Variants in NXPH2 observed in about 807,000 individuals in gnomAD.
The protein encoded by NXPH2 is neurexophilin-2.
NXPH2 carries 5 observed loss-of-function variants against 19.8 expected under a neutral mutation model. The observed-to-expected ratio is 0.25, with a 90% CI of 0.13 to 0.53. NXPH2 has a LOEUF of 0.53. NXPH2 is among the 20% of genes least tolerant of loss of function. NXPH2 has a pLI of 0.96. For synonymous variants in NXPH2, 154 were observed against 127.4 expected (o/e 1.21, Z -1.41); for missense variants, 289 against 322.8 (o/e 0.90, Z 0.80).
At chr2:138,731,692 CAGACAGGACTGGAGGGTCCAA>C (rs890261923) in intron 1 of NXPH2, among the ~76,000 whole-genome samples, 11 of 152,110 alleles carry the variant, frequency 7.2e-5, no homozygotes, top group African/African-American at 2.2e-4. Flanking sequence ...GGTCAACCTG[CAGACAGGACTGGAGGGTCCAA>C]AGACAGGACT....
intron 1 of NXPH2, among the ~76,000 whole-genome samples, chr2:138,772,028 A>T (rs1682186449): frequency 6.6e-6 from 1 of 152,232 alleles, no homozygotes; most frequent in Non-Finnish European, 1.5e-5. Flanking sequence ...CTGGGCACCT[A>T]CTAGACAGGT....
At chr2:138,717,244 C>T (rs1417009420) in intron 1 of NXPH2, among the ~76,000 whole-genome samples, 1 of 152,112 alleles carries the variant, frequency 6.6e-6, no homozygotes, top group Non-Finnish European at 1.5e-5. Flanking sequence ...TACCCTATGA[C>T]CCTGTAGCAA....
At chr2:138,749,866 T>C (rs752788812) in intron 1 of NXPH2, among the ~76,000 whole-genome samples, 2 of 152,188 alleles carry the variant, frequency 1.3e-5, no homozygotes, top group Admixed American at 1.3e-4. Flanking sequence ...CGTTTCCTAG[T>C]ATCTGTATAA....
intron 1 of NXPH2, among the ~76,000 whole-genome samples, chr2:138,764,659 A>C (rs189674799): frequency 5.8e-4 from 88 of 152,330 alleles, no homozygotes; most frequent in African/African-American, 2.1e-3. Flanking sequence ...CTATCTATCT[A>C]TCTATGATGG....
At chr2:138,740,445 CA>C (rs1391813991) in intron 1 of NXPH2, among the ~76,000 whole-genome samples, 1 of 152,056 alleles carries the variant, frequency 6.6e-6, no homozygotes, top group East Asian at 1.9e-4. Flanking sequence ...AGAAGTTTAC[CA>C]AAATGTGGTG....
intron 1 of NXPH2, among the ~76,000 whole-genome samples, chr2:138,745,024 G>C (rs532891501): frequency 6.6e-6 from 1 of 152,290 alleles, no homozygotes; most frequent in East Asian, 1.9e-4. Flanking sequence ...GGAAACAGCT[G>C]CAGCTGCTGC....
At chr2:138,674,321 T>C (rs1168563002) in intron 1 of NXPH2, among the ~76,000 whole-genome samples, 1 of 151,986 alleles carries the variant, frequency 6.6e-6, no homozygotes, top group African/African-American at 2.4e-5. Context: ...GCCTGACTAG[T>C]TTTTGTGTTT....
intron 1 of NXPH2, among the ~76,000 whole-genome samples, chr2:138,729,488 A>G (rs1681411772): frequency 6.6e-6 from 1 of 152,204 alleles, no homozygotes; most frequent in Non-Finnish European, 1.5e-5. Context: ...AGTCTTGGGT[A>G]TGTCCTTATA....
At chr2:138,700,103 A>G (rs1680896123) in intron 1 of NXPH2, among the ~76,000 whole-genome samples, 1 of 152,186 alleles carries the variant, frequency 6.6e-6, no homozygotes, top group African/African-American at 2.4e-5. Context: ...GGGCACAGAG[A>G]GTTTAAGCAA....
intron 1 of NXPH2, among the ~76,000 whole-genome samples, chr2:138,717,076 G>A (rs530215051): frequency 1.3e-4 from 20 of 152,188 alleles, no homozygotes; most frequent in African/African-American, 4.8e-4. Context: ...AATCAACAGA[G>A]AAATAGTGAA....
chr2:138,743,617 A>G (rs1281872062), intron 1 of NXPH2, among the ~76,000 whole-genome samples: 2 of 152,184 alleles, frequency 1.3e-5, no homozygotes, highest in African/African-American at 2.4e-5. Context: ...ATGATGACAC[A>G]CCTGTGAATA....
rs1362736878 is a variant in NXPH2, at chr2:138,685,267, C to T, written c.52-13602G>A. Reference sequence around the variant, plus strand: ...CCTATGGATTTTGAACTTGTCAATCCCTATAATCATGTGAGCCAATTCCTT... The same window carrying T: ...CCTATGGATTTTGAACTTGTCAATCTCTATAATCATGTGAGCCAATTCCTT... On this transcript the variant is annotated intron_variant, in intron 1 of 1. Transcript: ENST00000272641. 5.9e-5 allele frequency among the ~76,000 whole-genome samples: 9 copies of T among 152,154 alleles called. No homozygotes were observed. The East Asian group carries it at 7.7e-4, about 13-fold the overall frequency.
In NXPH2 at chr2:138,669,483, T is replaced by C. The variant is rs776418519; in HGVS notation, c.*1439A>G. On this transcript the variant is annotated 3_prime_UTR_variant, in exon 2 of 2. Coordinates refer to ENST00000272641, the MANE Select transcript of NXPH2 (RefSeq NM_007226.3). ...ACCGGTAAAAGGAAAGAAATGAAGATAGAGAACAGAGCTCTTGGTTTTTTG... is the reference window on the plus strand; with the variant it reads ...ACCGGTAAAAGGAAAGAAATGAAGACAGAGAACAGAGCTCTTGGTTTTTTG... Among the ~76,000 whole-genome samples, 11 of 150,588 alleles carry C rather than the reference T, an allele frequency of 7.3e-5. No individual in the cohort carries two copies. Among genetic ancestry groups the C allele is most frequent in the Non-Finnish European group, 1.5e-4 (10 of 67,608 alleles).
chr2:138,710,481 G>A (rs998375971), intron 1 of NXPH2, among the ~76,000 whole-genome samples: 2 of 152,034 alleles, frequency 1.3e-5, no homozygotes, highest in Admixed American at 6.5e-5. Flanking sequence ...TAGAGAAACC[G>A]CCAAACTTTT....
intron 1 of NXPH2, among the ~76,000 whole-genome samples, chr2:138,686,466 C>CTT (rs1472870413): frequency 6.6e-6 from 1 of 151,030 alleles, no homozygotes; most frequent in Admixed American, 6.6e-5. Flanking sequence ...TGTGAGATGT[C>CTT]TTTTTTTTTG....
In NXPH2 at chr2:138,759,916, AGAT is replaced by A. The variant is rs1332653041; in HGVS notation, c.51+20272_51+20274del. On this transcript the variant is annotated intron_variant, in intron 1 of 1. Transcript: ENST00000272641. ...GGCTAATTTTTTGTATTTTTAATAG[AGAT>A]GGGATTTCACCATGTTAGCCAGGAT... 2.6e-5 allele frequency among the ~76,000 whole-genome samples: 4 copies of A among 152,018 alleles called. No homozygotes were observed. The East Asian group carries it at 7.8e-4, about 30-fold the overall frequency.
intron 1 of NXPH2, among the ~76,000 whole-genome samples, chr2:138,683,239 T>C (rs1573952579): frequency 6.6e-6 from 1 of 152,204 alleles, no homozygotes; most frequent in Non-Finnish European, 1.5e-5. Flanking sequence ...CAAGTGGCAC[T>C]GTCTACTTTC....
intron 1 of NXPH2, among the ~76,000 whole-genome samples, chr2:138,743,124 T>C (rs1681670374): frequency 2.0e-5 from 3 of 152,238 alleles, no homozygotes; most frequent in African/African-American, 7.2e-5. Flanking sequence ...GGTATGCTAC[T>C]GTCAAAATGG....
Position 138,670,743 on chromosome 2 carries a change from G to T in NXPH2, c.*179C>A. On this transcript the variant is annotated 3_prime_UTR_variant, in exon 2 of 2. Transcript: ENST00000272641. The stretch of plus-strand genomic sequence containing the variant: ...TAGATAAAGGTACCTACGATAGAAA[G>T]AAACAAATTTCACACTTAAAGATGT... 2 of 606,640 alleles carry T rather than the reference G, an allele frequency of 3.3e-6. No homozygotes were observed. Among genetic ancestry groups the T allele is most frequent in the South Asian group, 3.1e-5 (1 of 32,350 alleles). The allele number at this position is 606,640 out of a possible 1,614,324, so 37.6% of individuals were successfully genotyped here.
Sources: allele counts gnomAD v4.1 joint callset (sites outside exome capture counted in the v4.1 genomes callset), GRCh38; gene constraint gnomAD v4.1.1; transcripts MANE v1.5; gene names NCBI Gene and HGNC (gene_info 2026-07-23, HGNC 2026-07-21).